RBFOX1: variants seen among roughly 807,000 people sequenced by gnomAD.
RBFOX1 encodes RNA binding fox-1 homolog 1.
In RBFOX1, 8 loss-of-function variants were observed where a neutral mutation model predicts 57.7. That is an observed-to-expected ratio of 0.14 (90% CI 0.08 to 0.25). The LOEUF is 0.25. RBFOX1 is among the 10% of genes least tolerant of loss of function. The probability of loss-of-function intolerance (pLI) is 1.00; values close to 1 mark genes in which losing one functional copy is unlikely to be tolerated. For missense variants in RBFOX1, 611 were observed against 548.5 expected (o/e 1.11, Z -1.14); for synonymous variants, 326 against 222.4 (o/e 1.47, Z -4.15).
intron 2 of RBFOX1, among the ~76,000 whole-genome samples, chr16:5,475,363 G>T (rs1885187088): frequency 6.6e-6 from 1 of 152,166 alleles, no homozygotes; most frequent in Non-Finnish European, 1.5e-5. Flanking sequence ...CTTCTGAAAA[G>T]GCTGCTGTAA....
At chr16:6,626,294 C>A (rs942120076) in intron 2 of RBFOX1, among the ~76,000 whole-genome samples, 1 of 152,064 alleles carries the variant, frequency 6.6e-6, no homozygotes, top group Non-Finnish European at 1.5e-5. Context: ...GACTCTTGCA[C>A]TAGAGGCCCA....
At chr16:6,314,590 T>C (rs1261567794) in intron 1 of RBFOX1, among the ~76,000 whole-genome samples, 1 of 152,154 alleles carries the variant, frequency 6.6e-6, no homozygotes, top group African/African-American at 2.4e-5. Flanking sequence ...GTGCACTGTG[T>C]CTTAAGTATT....
intron 13 of RBFOX1, among the ~76,000 whole-genome samples, chr16:7,665,815 C>CA (rs1327102073): frequency 6.6e-5 from 10 of 152,056 alleles, no homozygotes; most frequent in Non-Finnish European, 8.8e-5. Flanking sequence ...GACTAGATAG[C>CA]AAAAAAATCA....
chr16:7,241,471 A>G (rs554998497), intron 4 of RBFOX1, among the ~76,000 whole-genome samples: 11 of 152,302 alleles, frequency 7.2e-5, no homozygotes, highest in African/African-American at 2.4e-4. Flanking sequence ...TTCATTCAAG[A>G]TGACTAAAAT....
intron 1 of RBFOX1, among the ~76,000 whole-genome samples, chr16:5,255,612 T>C (rs1483682551): frequency 2.0e-5 from 3 of 147,552 alleles, no homozygotes; most frequent in Non-Finnish European, 4.5e-5. Flanking sequence ...ACTCATCCAT[T>C]TCTCCACCCA....
At chr16:6,717,597 T>A (rs80249578) in intron 3 of RBFOX1, among the ~76,000 whole-genome samples, 1 of 151,926 alleles carries the variant, frequency 6.6e-6, no homozygotes, top group Admixed American at 6.6e-5. Flanking sequence ...TTTTTTTTTT[T>A]ACCCAGAAAT....
intron 4 of RBFOX1, among the ~76,000 whole-genome samples, chr16:5,935,065 A>C (rs1315270678): frequency 2.0e-5 from 3 of 152,234 alleles, no homozygotes; most frequent in Non-Finnish European, 4.4e-5. Context: ...TCAGCTTTTA[A>C]GAGAATTCAG....
chr16:5,888,214 G>A (rs944635899), intron 4 of RBFOX1, among the ~76,000 whole-genome samples: 7 of 152,128 alleles, frequency 4.6e-5, no homozygotes, highest in African/African-American at 1.7e-4. Context: ...CCTCTGCCGG[G>A]AATGGTCCCT....
intron 2 of RBFOX1, among the ~76,000 whole-genome samples, chr16:6,540,913 C>G (rs915411364): frequency 1.3e-5 from 2 of 152,096 alleles, no homozygotes; most frequent in Non-Finnish European, 2.9e-5. Flanking sequence ...TCTCTGACTT[C>G]TTGGAGTTGA....
At chr16:5,329,904 A>T (rs1251074863) in intron 1 of RBFOX1, among the ~76,000 whole-genome samples, 3 of 151,684 alleles carry the variant, frequency 2.0e-5, no homozygotes, top group African/African-American at 7.3e-5. Context: ...GATGGCGTGA[A>T]TCCGGGAGGT....
At chr16:7,576,471 C>A (rs528638224) in intron 5 of RBFOX1, among the ~76,000 whole-genome samples, 3 of 152,138 alleles carry the variant, frequency 2.0e-5, no homozygotes, top group Non-Finnish European at 4.4e-5. Context: ...CCCACAATGA[C>A]CTGAAACACT....
At chr16:5,592,378 A>G in intron 2 of RBFOX1, among the ~76,000 whole-genome samples, 1 of 151,478 alleles carries the variant, frequency 6.6e-6, no homozygotes, top group East Asian at 1.9e-4. Flanking sequence ...GGGGGTCATA[A>G]TTAGAAGGAT....
intron 4 of RBFOX1, among the ~76,000 whole-genome samples, chr16:7,219,969 G>T (rs1245227027): frequency 6.6e-6 from 1 of 152,166 alleles, no homozygotes; most frequent in African/African-American, 2.4e-5. Flanking sequence ...CAAACCAATT[G>T]AATCTGAGTT....
At chr16:6,975,656 C>T (rs1306033198) in intron 3 of RBFOX1, among the ~76,000 whole-genome samples, 1 of 152,162 alleles carries the variant, frequency 6.6e-6, no homozygotes, top group East Asian at 1.9e-4. Flanking sequence ...GCCACATGAT[C>T]AGAATTTCAG....
intron 1 of RBFOX1, among the ~76,000 whole-genome samples, chr16:6,085,906 G>T (rs6500755): frequency 0.41 from 61,756 of 151,534 alleles, 14,168 homozygotes; most frequent in Non-Finnish European, 0.54. Context: ...GTGGTTTGCT[G>T]CACCTATTAA....
At chr16:5,837,214 C>A (rs993015597) in intron 3 of RBFOX1, among the ~76,000 whole-genome samples, 2 of 152,008 alleles carry the variant, frequency 1.3e-5, no homozygotes, top group African/African-American at 4.8e-5. Context: ...AGGCTTTGCA[C>A]ACGCTCTCTA....
intron 1 of RBFOX1, among the ~76,000 whole-genome samples, chr16:6,031,272 G>T (rs1463409861): frequency 1.3e-5 from 2 of 152,160 alleles, no homozygotes; most frequent in Non-Finnish European, 2.9e-5. Context: ...GGAGGAAGGA[G>T]AGGGCTCTGC....
At chr16:6,951,897 A>T (rs2080845898) in intron 3 of RBFOX1, among the ~76,000 whole-genome samples, 1 of 152,106 alleles carries the variant, frequency 6.6e-6, no homozygotes, top group African/African-American at 2.4e-5. Flanking sequence ...CACCATGCCC[A>T]GCTAATTTTT....
At chr16:6,569,892 C>T (rs938714116) in intron 2 of RBFOX1, among the ~76,000 whole-genome samples, 1 of 152,130 alleles carries the variant, frequency 6.6e-6, no homozygotes, top group Non-Finnish European at 1.5e-5. Flanking sequence ...ATTTTAATCC[C>T]CTAATGTGTT....
Sources: allele counts gnomAD v4.1 joint callset (sites outside exome capture counted in the v4.1 genomes callset), GRCh38; gene constraint gnomAD v4.1.1; transcripts MANE v1.5; gene names NCBI Gene and HGNC (gene_info 2026-07-23, HGNC 2026-07-21).